Variants in EGFR observed in about 807,000 individuals in gnomAD.
The protein encoded by EGFR is avian erythroblastic leukemia viral (v-erb-b) oncogene homolog.
A neutral mutation model predicts 143.0 loss-of-function variants in EGFR; 58 were observed. The observed-to-expected ratio is 0.41, with a 90% CI of 0.33 to 0.50. The LOEUF (loss-of-function observed/expected upper bound fraction) is 0.50. Among genes scored for constraint, EGFR ranks in the 20% least tolerant of loss-of-function variants. The pLI, the probability that EGFR is intolerant of heterozygous loss-of-function variation, is 0.39. For missense variants in EGFR, 1,307 were observed against 1,579.0 expected, an observed-to-expected ratio of 0.83 and a Z score of 2.92; for synonymous variants, 613 against 594.4, an observed-to-expected ratio of 1.03 and a Z score of -0.45.
chr7:55,199,747 G>A (rs768124987), intron 23 of EGFR, among the ~76,000 whole-genome samples: 2 of 152,052 alleles, frequency 1.3e-5, no homozygotes, highest in African/African-American at 2.4e-5. Context: ...AGTTAACAGT[G>A]TGTCCTCCTG....
chr7:55,057,917 T>C (rs562101882), intron 1 of EGFR, among the ~76,000 whole-genome samples: 53 of 152,370 alleles, frequency 3.5e-4, no homozygotes, highest in African/African-American at 1.3e-3. Context: ...CAACGTGCTC[T>C]TTTTAAATGG....
At chr7:55,186,430 G>A (rs1787141701) in intron 20 of EGFR, among the ~76,000 whole-genome samples, 1 of 152,196 alleles carries the variant, frequency 6.6e-6, no homozygotes. Flanking sequence ...CCAGGGTGGT[G>A]ACTCAGCCCT....
chr7:55,191,582 T>A, intron 20 of EGFR, 137 bp from the exon 21 acceptor site: 6 of 1,065,842 alleles, frequency 5.6e-6, no homozygotes, highest in Non-Finnish European at 8.4e-6. Flanking sequence ...TTTGGATCAG[T>A]AGTCACTAAC....
intron 1 of EGFR, among the ~76,000 whole-genome samples, chr7:55,034,256 C>G (rs1304506643): frequency 2.6e-5 from 4 of 152,176 alleles, no homozygotes; most frequent in Non-Finnish European, 4.4e-5. Flanking sequence ...TGTATTGAGA[C>G]AGAGTCTCAC....
chr7:55,037,396 G>A lies in EGFR; in HGVS notation c.88+18031G>A, dbSNP rs997413684. On this transcript the variant is annotated intron_variant, in intron 1 of 27. Coordinates refer to ENST00000275493, the MANE Select transcript of EGFR (RefSeq NM_005228.5). ...CAAGAATTTACCTAATGTGGTTTGC[G>A]AGAATTTAAGAGCTGGAAAGGTGGT... Among the ~76,000 whole-genome samples the A allele has an allele frequency of 2.6e-5, 4 of 152,294 alleles. No homozygotes were observed. The South Asian group carries it at 6.2e-4, about 24-fold the overall frequency.
chr7:55,139,339 G>T (rs903433958), intron 1 of EGFR, among the ~76,000 whole-genome samples: 1 of 152,162 alleles, frequency 6.6e-6, no homozygotes, highest in Admixed American at 6.5e-5. Context: ...TAATTTTTAA[G>T]TAATTTACTC....
intron 15 of EGFR, chr7:55,170,532 C>T (rs2128950881): frequency 6.2e-7 from 1 of 1,613,454 alleles, no homozygotes; most frequent in Non-Finnish European, 8.5e-7. Context: ...TCACGGCCTC[C>T]TCCTGCCACT....
At chr7:55,174,608 C>G (rs1038609203) in intron 18 of EGFR, 114 bp from the exon 19 acceptor site, 66 of 917,120 alleles carry the variant, frequency 7.2e-5, no homozygotes, top group Non-Finnish European at 9.6e-5. Flanking sequence ...TCCACAGCCC[C>G]AGTGTCCCTC....
At chr7:55,170,252 C>T in intron 15 of EGFR, 2 of 1,613,370 alleles carry the variant, frequency 1.2e-6, no homozygotes, top group South Asian at 1.1e-5. Context: ...TAGTGTTACA[C>T]CAGGGCTCCC....
At chr7:55,200,190 G>C in intron 23 of EGFR, 126 bp from the exon 24 acceptor site, 1 of 943,514 alleles carries the variant, frequency 1.1e-6, no homozygotes, top group South Asian at 1.3e-5. Context: ...CTACCACAAA[G>C]ACTTGGTTCT....
intron 1 of EGFR, among the ~76,000 whole-genome samples, chr7:55,090,083 C>G (rs192761231): frequency 1.1e-3 from 167 of 152,180 alleles, no homozygotes; most frequent in African/African-American, 4.0e-3. Context: ...ATTCTCCTGC[C>G]TCAGCCTCCT....
At chr7:55,137,345 C>T (rs1337577508) in intron 1 of EGFR, among the ~76,000 whole-genome samples, 2 of 152,136 alleles carry the variant, frequency 1.3e-5, no homozygotes, top group African/African-American at 2.4e-5. Context: ...TTAGACGATT[C>T]TAAGTGTCTA....
intron 1 of EGFR, among the ~76,000 whole-genome samples, chr7:55,069,480 T>C (rs1378813315): frequency 1.3e-5 from 2 of 152,194 alleles, no homozygotes; most frequent in African/African-American, 2.4e-5. Context: ...CTCCCCACCA[T>C]GGGGCCTCAC....
intron 1 of EGFR, among the ~76,000 whole-genome samples, chr7:55,029,948 A>AT (rs1372138035): frequency 8.5e-5 from 13 of 152,232 alleles, no homozygotes; most frequent in African/African-American, 2.9e-4. Context: ...TGATGTCATA[A>AT]TAATAACAAC....
chr7:55,077,710 G>A (rs1457401961), intron 1 of EGFR, among the ~76,000 whole-genome samples: 4 of 152,182 alleles, frequency 2.6e-5, no homozygotes, highest in Non-Finnish European at 5.9e-5. Flanking sequence ...AGAACTCCAG[G>A]CTCTCATGGA....
chr7:55,024,696 T>C (rs935539680), intron 1 of EGFR, among the ~76,000 whole-genome samples: 2 of 152,214 alleles, frequency 1.3e-5, no homozygotes, highest in African/African-American at 4.8e-5. Context: ...TTTTTTTCTT[T>C]ATGTTTGAGC....
intron 19 of EGFR, among the ~76,000 whole-genome samples, chr7:55,177,310 G>A (rs1362762055): frequency 6.6e-6 from 1 of 152,180 alleles, no homozygotes; most frequent in African/African-American, 2.4e-5. Context: ...GCAGTGCCCA[G>A]GCCAATTTCA....
intron 1 of EGFR, among the ~76,000 whole-genome samples, chr7:55,059,895 T>C (rs747638946): frequency 2.0e-5 from 3 of 152,048 alleles, no homozygotes; most frequent in Non-Finnish European, 4.4e-5. Flanking sequence ...GGACATGTTC[T>C]GACCCAGATA....
chr7:55,061,587 C>T (rs1789172102), intron 1 of EGFR, among the ~76,000 whole-genome samples: 1 of 151,362 alleles, frequency 6.6e-6, no homozygotes, highest in African/African-American at 2.4e-5. Context: ...AAAGTCTTCC[C>T]TCCCACGGAT....
Sources: gnomAD v4.1 joint callset for allele counts (sites outside exome capture counted in the v4.1 genomes callset) on GRCh38, gnomAD v4.1.1 for gene constraint, MANE v1.5 for transcripts, NCBI Gene and HGNC (gene_info 2026-07-23, HGNC 2026-07-21) for gene names.